Variants in PCDHGA2 observed in about 807,000 individuals in gnomAD.
The protein encoded by PCDHGA2 is protocadherin gamma-A2.
Under a neutral mutation model 59.2 loss-of-function variants are expected in PCDHGA2, and 40 were observed. The ratio of observed to expected loss-of-function variants is 0.68; its 90% CI spans 0.52 to 0.88. The LOEUF is 0.88. Ranked by LOEUF, PCDHGA2 falls within the 40% of genes least tolerant of loss-of-function variation. The pLI is 0.00. For synonymous variants in PCDHGA2, 560 were observed against 526.0 expected (o/e 1.06, Z -0.89); for missense variants, 1,226 against 1,204.0 (o/e 1.02, Z -0.27).
chr5:141,473,879 C>G (rs937312573), intron 1 of PCDHGA2, among the ~76,000 whole-genome samples: 2 of 152,120 alleles, frequency 1.3e-5, no homozygotes, highest in Admixed American at 1.3e-4. Context: ...AATGCATACA[C>G]AAGGGTTCTG....
chr5:141,405,433 T>A, intron 1 of PCDHGA2: 1 of 1,471,752 alleles, frequency 6.8e-7, no homozygotes, highest in Non-Finnish European at 9.3e-7. Flanking sequence ...TTTTGTTTTG[T>A]TTTTGAGACA....
At chr5:141,505,282 G>C (rs73280377) in intron 2 of PCDHGA2, 111 bp from the exon 3 acceptor site, 37,017 of 1,544,812 alleles carry the variant, frequency 0.024, 1,115 homozygotes, top group African/African-American at 0.15. Context: ...AACAGGTCTT[G>C]GGCATGGGGT....
intron 1 of PCDHGA2, chr5:141,408,014 C>G (rs2095025916): frequency 5.0e-6 from 5 of 1,001,096 alleles, no homozygotes; most frequent in Non-Finnish European, 7.0e-6. Flanking sequence ...CCTGCGCAGC[C>G]AACAACAGAA....
chr5:141,469,128 T>C (rs567164869), intron 1 of PCDHGA2, among the ~76,000 whole-genome samples: 1 of 151,692 alleles, frequency 6.6e-6, no homozygotes, highest in East Asian at 1.9e-4. Context: ...ATTTAAAAAT[T>C]AGCCAGAAAT....
chr5:141,399,695 C>G, intron 1 of PCDHGA2: 1 of 1,613,480 alleles, frequency 6.2e-7, no homozygotes, highest in South Asian at 1.1e-5. Flanking sequence ...CAGCTGCGCA[C>G]CTTCGAACTC....
intron 1 of PCDHGA2, chr5:141,394,860 G>T: frequency 1.2e-6 from 2 of 1,613,792 alleles, no homozygotes; most frequent in Non-Finnish European, 1.7e-6. Context: ...GCCTTCGGTC[G>T]ACCCGAACGA....
intron 1 of PCDHGA2, chr5:141,341,612 G>C: frequency 1.1e-6 from 1 of 921,116 alleles, no homozygotes; most frequent in Non-Finnish European, 1.6e-6. Flanking sequence ...TGTAAACCAG[G>C]AGTTAATAGA....
intron 1 of PCDHGA2, among the ~76,000 whole-genome samples, chr5:141,353,336 TTCA>T (rs1197519087): frequency 1.3e-5 from 2 of 152,230 alleles, no homozygotes; most frequent in Non-Finnish European, 2.9e-5. Context: ...CAAGTTAAAG[TTCA>T]TCAATTACAT....
chr5:141,371,939 C>G (rs1561553418), intron 1 of PCDHGA2: 6 of 1,613,300 alleles, frequency 3.7e-6, no homozygotes, highest in Non-Finnish European at 5.1e-6. Context: ...GGGTGGTGTT[C>G]GCGCAGCGAG....
intron 1 of PCDHGA2, among the ~76,000 whole-genome samples, chr5:141,349,097 G>A (rs1695448318): frequency 6.6e-6 from 1 of 152,138 alleles, no homozygotes; most frequent in South Asian, 2.1e-4. Context: ...TTGAGACAGA[G>A]TCTTGCTCTG....
rs1233801398 is a variant in PCDHGA2, at chr5:141,431,238, C to T, written c.2425-63569C>T. The stretch of plus-strand genomic sequence containing the variant: ...TTCCCTCTACCCCACGCCTGGGATC[C>T]GGATATCGGGAAGAACTCTCTGCAG... On this transcript the variant is annotated intron_variant, in intron 1 of 3. Coordinates refer to ENST00000394576, the MANE Select transcript of PCDHGA2 (RefSeq NM_018915.4). This position sits in a 1 kb window ranked among gnomAD's most constrained non-coding sequence, Gnocchi z 4.8. The T allele has an allele frequency of 3.7e-6, 6 of 1,614,156 alleles. No homozygotes were observed. Among genetic ancestry groups the T allele is most frequent in the Non-Finnish European group, 8.5e-7 (1 of 1,180,038 alleles).
At chr5:141,427,635 C>T in intron 1 of PCDHGA2, 1 of 706,280 alleles carries the variant, frequency 1.4e-6, no homozygotes, top group African/African-American at 1.7e-5. Context: ...TCCGGTTTTC[C>T]ACCAAGTCTC....
Position 141,340,346 on chromosome 5 carries a change from A to G in PCDHGA2, c.1375A>G (p.Thr459Ala). ...CGCCTTCTCCCGCACATCCTACTCC[A>G]CCTACATTCCCGAAAACAACCCCAG... ...APAFSRTSYS[T>A]YIPENNPRGA... is the part of the protein sequence containing the mutation. The change falls in exon 1 of 4, where the codon ACC becomes GCC. Residue 459 changes from threonine (T) to alanine (A), a missense_variant. Physicochemically the swap from Thr to Ala is moderately conservative, Grantham distance 58 (BLOSUM62 0). Coordinates refer to ENST00000394576, the MANE Select transcript of PCDHGA2 (RefSeq NM_018915.4). The G allele has an allele frequency of 1.2e-6, 2 of 1,613,812 alleles. No homozygotes were observed. Among genetic ancestry groups the G allele is most frequent in the South Asian group, 2.2e-5 (2 of 91,048 alleles).
intron 1 of PCDHGA2, chr5:141,427,726 T>C: frequency 8.7e-7 from 1 of 1,155,152 alleles, no homozygotes; most frequent in Non-Finnish European, 1.3e-6. Context: ...GACCTAGGGC[T>C]GAATGGCCAA....
chr5:141,384,334 C>A (rs1779970411), intron 1 of PCDHGA2: 1 of 1,613,728 alleles, frequency 6.2e-7, no homozygotes, highest in African/African-American at 1.3e-5. Context: ...TGCACAGGAC[C>A]ACGACAGTGA....
chr5:141,372,798 A>T (rs900906773), intron 1 of PCDHGA2: 2 of 1,597,288 alleles, frequency 1.3e-6, no homozygotes, highest in Non-Finnish European at 1.7e-6. Flanking sequence ...TAATTCAGGC[A>T]ATTTGCAAAA....
intron 1 of PCDHGA2, chr5:141,389,301 A>T: frequency 6.2e-7 from 1 of 1,614,008 alleles, no homozygotes; most frequent in Non-Finnish European, 8.5e-7. Context: ...TTCACAAGTC[A>T]GGGCTTCTGA....
chr5:141,413,835 CG>C, intron 1 of PCDHGA2: 2 of 1,613,258 alleles, frequency 1.2e-6, no homozygotes, highest in South Asian at 1.1e-5. Context: ...CCGCCTCCGA[CG>C]GGGGTGACCC....
Position 141,489,714 on chromosome 5 carries a change from G to C in PCDHGA2, c.2425-5093G>C, listed in dbSNP as rs770143357. On this transcript the variant is annotated intron_variant, in intron 1 of 3. Coordinates refer to ENST00000394576, the MANE Select transcript of PCDHGA2 (RefSeq NM_018915.4). The surrounding 1 kb of genome is among the most constrained non-coding windows in gnomAD (Gnocchi z 4.5). Reference sequence around the variant, plus strand: ...CACGATTCCCACTGGACAGTGCCCAGGATCCGGATGTGGGCACCAATACTG... The same window carrying C: ...CACGATTCCCACTGGACAGTGCCCACGATCCGGATGTGGGCACCAATACTG... 7.4e-6 allele frequency: 12 copies of C among 1,613,958 alleles called. No individual in the cohort carries two copies. The highest frequency in any genetic ancestry group is 1.0e-5 in the Non-Finnish European group (12 of 1,179,930).
Sources: gnomAD v4.1 joint callset for allele counts (sites outside exome capture counted in the v4.1 genomes callset) on GRCh38, gnomAD v4.1.1 for gene constraint, Gnocchi (gnomAD v3.1) non-coding constraint, MANE v1.5 for transcripts, NCBI Gene and HGNC (gene_info 2026-07-23, HGNC 2026-07-21) for gene names.